The following LRRC75A variants were observed in gnomAD, a reference collection of about 807,000 sequenced individuals.
LRRC75A encodes leucine rich repeat containing 75A.
A neutral mutation model predicts 26.0 loss-of-function variants in LRRC75A; 12 were observed. The ratio of observed to expected loss-of-function variants is 0.46; its 90% CI spans 0.30 to 0.75. The LOEUF (loss-of-function observed/expected upper bound fraction) is 0.75, where lower values mean the gene tolerates loss of function less well. Among genes scored for constraint, LRRC75A ranks in the 30% least tolerant of loss-of-function variants. The probability of loss-of-function intolerance (pLI) is 0.08; values close to 1 mark genes in which losing one functional copy is unlikely to be tolerated. For synonymous variants in LRRC75A, 223 were observed against 219.3 expected (o/e 1.02, Z -0.15); for missense variants, 410 against 486.6 (o/e 0.84, Z 1.48).
chr17:16,445,158 A>AT (rs766449990), intron 3 of LRRC75A, among the ~76,000 whole-genome samples: 1,045 of 69,710 alleles, frequency 0.015, 106 homozygotes, highest in East Asian at 0.034. Context: ...CATTTTCTGC[A>AT]TTTTTTTTTT....
chr17:16,490,699 C>G lies in LRRC75A; in HGVS notation c.246+1046G>C, dbSNP rs8068968. Reference sequence around the variant, plus strand: ...TCCCAAGAAGGTGCTCCTACAGCCTCTTTCAGCAGCGACTGGAAAACCCCA... The same window carrying G: ...TCCCAAGAAGGTGCTCCTACAGCCTGTTTCAGCAGCGACTGGAAAACCCCA... On this transcript the variant is annotated intron_variant, in intron 1 of 3. Transcript: ENST00000470794. Among the ~76,000 whole-genome samples the G allele has an allele frequency of 2.5e-3, 384 of 152,314 alleles. 5 individuals carry two copies. The highest frequency in any genetic ancestry group is 9.0e-3 in the African/African-American group (373 of 41,560).
At chr17:16,447,773 A>G (rs1299557114) in intron 3 of LRRC75A, 72 bp downstream of exon 3, 2 of 1,179,474 alleles carry the variant, frequency 1.7e-6, no homozygotes, top group Non-Finnish European at 2.3e-6. Context: ...TCCCTTCCCT[A>G]CATCCCTGGG....
At chr17:16,471,831 C>CTCA (rs2093807237) in intron 1 of LRRC75A, among the ~76,000 whole-genome samples, 1 of 152,154 alleles carries the variant, frequency 6.6e-6, no homozygotes, top group African/African-American at 2.4e-5. Flanking sequence ...AGGCCACTTA[C>CTCA]GTGAGGGACC....
At chr17:16,479,562 G>A (rs1878598397) in intron 1 of LRRC75A, among the ~76,000 whole-genome samples, 1 of 152,174 alleles carries the variant, frequency 6.6e-6, no homozygotes, top group African/African-American at 2.4e-5. Context: ...GGCACTCTAT[G>A]GGCTAGAAGC....
chr17:16,491,976 C>A lies in LRRC75A; in HGVS notation c.15G>T (p.Gln5His). 8.4e-7 allele frequency: 1 copy of A among 1,194,110 alleles called. No homozygotes were observed. The highest frequency in any genetic ancestry group is 3.7e-5 in the South Asian group (1 of 27,036). The allele number at this position is 1,194,110 out of a possible 1,614,324, so 74.0% of individuals were successfully genotyped here. A position where few individuals can be genotyped will look rare whatever the true frequency, so the allele number is the denominator to read the frequency against. ...CTCTCTCCGCCAGGCTGCCCTTGGTCTGCCGGGTGCCCATGCCGCCGCCGC... is the reference window on the plus strand; with the variant it reads ...CTCTCTCCGCCAGGCTGCCCTTGGTATGCCGGGTGCCCATGCCGCCGCCGC... MGTR[Q>H]TKGSLAERAS... Residue 5 changes from glutamine to histidine, a missense_variant, in exon 1 of 4, where the codon CAG (glutamine) becomes CAT (histidine). Physicochemically the swap from Gln to His is conservative, Grantham distance 24 (BLOSUM62 0). Coordinates refer to ENST00000470794, the MANE Select transcript of LRRC75A (RefSeq NM_001113567.3). The surrounding 1 kb of genome is among the most constrained non-coding windows in gnomAD (Gnocchi z 5.9).
chr17:16,480,848 C>T (rs529303836), intron 1 of LRRC75A, among the ~76,000 whole-genome samples: 1 of 152,292 alleles, frequency 6.6e-6, no homozygotes, highest in South Asian at 2.1e-4. Flanking sequence ...CCTGAGGAAG[C>T]TCAGAAAACA....
chr17:16,486,312 C>A (rs1342234017), intron 1 of LRRC75A, among the ~76,000 whole-genome samples: 2 of 152,086 alleles, frequency 1.3e-5, no homozygotes, highest in Admixed American at 6.5e-5. Context: ...AAAGGACCCC[C>A]CAACCCCATC....
intron 2 of LRRC75A, among the ~76,000 whole-genome samples, chr17:16,453,908 C>G (rs560024776): frequency 5.9e-5 from 9 of 152,230 alleles, no homozygotes; most frequent in African/African-American, 2.2e-4. Context: ...TAAAACTAGG[C>G]AGGTCACTCT....
chr17:16,477,279 CAT>C (rs2093823450), intron 1 of LRRC75A, among the ~76,000 whole-genome samples: 1 of 152,262 alleles, frequency 6.6e-6, no homozygotes, highest in African/African-American at 2.4e-5. Context: ...TAGGCTGACA[CAT>C]AAAATTAACC....
Position 16,491,869 on chromosome 17 carries a change from G to A in LRRC75A, c.122C>T (p.Ala41Val). Residue 41 changes from alanine (A) to valine (V), a missense_variant, in exon 1 of 4, where the codon GCG becomes GTG. Ala to Val is a moderately conservative substitution (Grantham distance 64). Transcript: ENST00000470794. This position sits in a 1 kb window ranked among gnomAD's most constrained non-coding sequence, Gnocchi z 5.9. ...GGGCATCCCCGCGCCCGCGCGCCCC[G>A]CCTTGTCCCCGGCGCGCAGCAGCAG... ...ASLLLRAGDK[A>V]GRAGAGMPPY... 7.2e-7 allele frequency: 1 copy of A among 1,380,090 alleles called. No homozygotes were observed. Among genetic ancestry groups the A allele is most frequent in the South Asian group, 1.5e-5 (1 of 64,934 alleles). The allele number at this position is 1,380,090 out of a possible 1,614,324, so 85.5% of individuals were successfully genotyped here. A position where few individuals can be genotyped will look rare whatever the true frequency, so the allele number is the denominator to read the frequency against.
chr17:16,447,716 T>C, intron 3 of LRRC75A, 129 bp downstream of exon 3: 4 of 653,922 alleles, frequency 6.1e-6, no homozygotes, highest in South Asian at 2.0e-5. Context: ...CCTTCCATCT[T>C]ACCTCCTTCA....
In LRRC75A at chr17:16,451,447, CCT is replaced by C. The variant is rs575783174; in HGVS notation, c.376-3489_376-3488del. ...ATCAGCCTGGCCAACATGGCAAAAC[CCT>C]GTCTCTACTAAGAATACAAAAATTA... On this transcript the variant is annotated intron_variant, in intron 2 of 3. Transcript: ENST00000470794. Among the ~76,000 whole-genome samples the C allele has an allele frequency of 3.0e-3, 458 of 152,092 alleles. 1 individual carries two copies. Among genetic ancestry groups the C allele is most frequent in the African/African-American group, 0.011 (444 of 41,488 alleles).
At chr17:16,482,296 C>A (rs535220072) in intron 1 of LRRC75A, among the ~76,000 whole-genome samples, 2 of 152,282 alleles carry the variant, frequency 1.3e-5, no homozygotes, top group East Asian at 3.9e-4. Flanking sequence ...TCCTGCAAGC[C>A]TCCTTGGCAC....
At chr17:16,490,041 G>A (rs906273251) in intron 1 of LRRC75A, among the ~76,000 whole-genome samples, 1 of 152,190 alleles carries the variant, frequency 6.6e-6, no homozygotes, top group African/African-American at 2.4e-5. Context: ...CCCAGGATGT[G>A]GAATCACACT....
chr17:16,482,318 G>T (rs182190108), intron 1 of LRRC75A, among the ~76,000 whole-genome samples: 1 of 152,290 alleles, frequency 6.6e-6, no homozygotes, highest in Non-Finnish European at 1.5e-5. Context: ...TGTATCTGTG[G>T]GTGGAGGCTC....
rs773727930 is a variant in LRRC75A at position 16,444,055 on chromosome 17, G to C, written c.568C>G (p.Leu190Val). The C allele has an allele frequency of 5.0e-6, 8 of 1,613,152 alleles. No homozygotes were observed. ...LSGIPLTSRD[L>V]ERVTSYLQRC... Reference sequence around the variant, plus strand: ...TGTAGGTAGCTGGTCACCCGCTCCAGGTCTCGGGAGGTCAGTGGGATTCCC... The same window carrying C: ...TGTAGGTAGCTGGTCACCCGCTCCACGTCTCGGGAGGTCAGTGGGATTCCC... Residue 190 changes from leucine (L) to valine (V), a missense_variant, in exon 4 of 4, where the codon CTG becomes GTG. Physicochemically the swap from Leu to Val is conservative, Grantham distance 32. Transcript: ENST00000470794.
chr17:16,449,264 T>C (rs1324173363), intron 2 of LRRC75A, among the ~76,000 whole-genome samples: 1 of 152,178 alleles, frequency 6.6e-6, no homozygotes, highest in African/African-American at 2.4e-5. Flanking sequence ...ACCCCTCTGC[T>C]AGTGGACAAG....
chr17:16,473,807 C>G (rs900899148), intron 1 of LRRC75A, among the ~76,000 whole-genome samples: 17 of 152,204 alleles, frequency 1.1e-4, no homozygotes, highest in African/African-American at 4.1e-4. Context: ...CAGGCTGGCC[C>G]TCCTCGACGG....
Position 16,492,041 on chromosome 17 carries a change from C to T in LRRC75A, c.-51G>A. On this transcript the variant is annotated 5_prime_UTR_variant, in exon 1 of 4. Coordinates refer to ENST00000470794, the MANE Select transcript of LRRC75A (RefSeq NM_001113567.3). ...CGCTCTGGGCCGCGAGGCCGCGTCC[C>T]CGCCAACCGCCCGCCCCTCGGCCGC... 8 of 1,106,508 alleles carry T rather than the reference C, an allele frequency of 7.2e-6. No individual in the cohort carries two copies. Among genetic ancestry groups the T allele is most frequent in the Non-Finnish European group, 8.8e-6 (8 of 910,050 alleles). 68.5% of individuals were successfully genotyped at this position (1,106,508 alleles called of 1,614,324 possible). A position where few individuals can be genotyped will look rare whatever the true frequency, so the allele number is the denominator to read the frequency against.
Sources: allele counts gnomAD v4.1 joint callset (sites outside exome capture counted in the v4.1 genomes callset), GRCh38; gene constraint gnomAD v4.1.1; non-coding constraint Gnocchi (gnomAD v3.1); transcripts MANE v1.5; gene names NCBI Gene and HGNC (gene_info 2026-07-23, HGNC 2026-07-21).